The following STRBP variants were observed in gnomAD, a reference collection of about 807,000 sequenced individuals.
STRBP encodes the protein spermatid perinuclear RNA-binding protein.
Under a neutral mutation model 80.1 loss-of-function variants are expected in STRBP, and 13 were observed. The observed-to-expected ratio is 0.16, with a 90% CI of 0.11 to 0.26. STRBP has a LOEUF of 0.26. Among genes scored for constraint, STRBP ranks in the 10% least tolerant of loss-of-function variants. The probability of loss-of-function intolerance (pLI) is 1.00; values close to 1 mark genes in which losing one functional copy is unlikely to be tolerated. For missense variants in STRBP, 485 were observed against 815.2 expected (o/e 0.59, Z 4.93); for synonymous variants, 284 against 291.2 (o/e 0.98, Z 0.25).
At chr9:123,157,948 T>A in intron 11 of STRBP, 64 bp downstream of exon 11, 1 of 1,148,452 alleles carries the variant, frequency 8.7e-7, no homozygotes, top group Non-Finnish European at 1.3e-6. Flanking sequence ...TAATGAGAGA[T>A]GAATCCCATG....
At chr9:123,219,895 T>A (rs1196143893) in intron 2 of STRBP, among the ~76,000 whole-genome samples, 1 of 152,190 alleles carries the variant, frequency 6.6e-6, no homozygotes, top group Non-Finnish European at 1.5e-5. Flanking sequence ...GGATCCAGAA[T>A]GGGAGCTTCC....
At chr9:123,180,964 G>A in intron 3 of STRBP, 1 of 983,238 alleles carries the variant, frequency 1.0e-6, no homozygotes, top group Non-Finnish European at 1.2e-6. Context: ...TGCCTCTTTT[G>A]TTCTTGTTTA....
intron 2 of STRBP, among the ~76,000 whole-genome samples, chr9:123,192,363 T>C (rs1230048250): frequency 6.6e-6 from 1 of 152,080 alleles, no homozygotes; most frequent in Non-Finnish European, 1.5e-5. Flanking sequence ...AGGAATAACC[T>C]GAGAGATGGC....
chr9:123,185,426 G>A (rs905682323), intron 2 of STRBP, among the ~76,000 whole-genome samples: 1 of 152,054 alleles, frequency 6.6e-6, no homozygotes. Flanking sequence ...CTATTTAACA[G>A]AAGAGATTCT....
intron 1 of STRBP, among the ~76,000 whole-genome samples, chr9:123,267,378 C>T (rs960383429): frequency 2.0e-5 from 3 of 151,980 alleles, no homozygotes; most frequent in African/African-American, 7.3e-5. Flanking sequence ...CTCCTACTGT[C>T]CCCACCTCTC....
In STRBP at chr9:123,125,127, A is replaced by T. The variant is rs1168724451; in HGVS notation, c.*470T>A. On this transcript the variant is annotated 3_prime_UTR_variant, in exon 19 of 19. Transcript: ENST00000348403. ...AAAAGTCTCTATTGTATTAAAAAAAATAACTACAGCCCAAATTAAAGTGCC... is the reference window on the plus strand; with the variant it reads ...AAAAGTCTCTATTGTATTAAAAAAATTAACTACAGCCCAAATTAAAGTGCC... The T allele has an allele frequency of 2.0e-6, 2 of 986,072 alleles. No homozygotes were observed. Among genetic ancestry groups the T allele is most frequent in the African/African-American group, 3.5e-5 (2 of 57,266 alleles). The allele number at this position is 986,072 out of a possible 1,614,324, so 61.1% of individuals were successfully genotyped here. A position where few individuals can be genotyped will look rare whatever the true frequency, so the allele number is the denominator to read the frequency against.
chr9:123,214,544 C>A (rs1335190787), intron 2 of STRBP, among the ~76,000 whole-genome samples: 1 of 151,914 alleles, frequency 6.6e-6, no homozygotes, highest in Non-Finnish European at 1.5e-5. Flanking sequence ...AGAATCAGAC[C>A]ACCTGTCTAC....
At chr9:123,258,144 G>A (rs554957009) in intron 1 of STRBP, among the ~76,000 whole-genome samples, 1 of 152,032 alleles carries the variant, frequency 6.6e-6, no homozygotes, top group African/African-American at 2.4e-5. Context: ...TCAAATACTC[G>A]GGTTCCTACT....
intron 2 of STRBP, among the ~76,000 whole-genome samples, chr9:123,230,156 G>A (rs1317832264): frequency 6.6e-6 from 1 of 152,142 alleles, no homozygotes; most frequent in African/African-American, 2.4e-5. Context: ...AAAGCAGTAG[G>A]ATCAACAGAT....
chr9:123,146,993 A>G lies in STRBP; in HGVS notation c.1200T>C (p.Pro400=), dbSNP rs111534932. Reference sequence around the variant, plus strand: ...GAGATAGGAGCTTATACTGAAGCCCAGGCCTGATCTGATTTAGCCTCATTA... The same window carrying G: ...GAGATAGGAGCTTATACTGAAGCCCGGGCCTGATCTGATTTAGCCTCATTA... ...NALMRLNQIR[P]GLQYKLLSQS... The change falls in exon 13 of 19, where the codon CCT becomes CCC. Residue 400 remains proline, a synonymous_variant. Coordinates refer to ENST00000348403, the MANE Select transcript of STRBP (RefSeq NM_018387.5). 6 of 1,614,116 alleles carry G rather than the reference A, an allele frequency of 3.7e-6. No homozygotes were observed. The African/African-American group carries it at 6.7e-5, about 18-fold the overall frequency.
At chr9:123,215,791 A>C (rs1317640405) in intron 2 of STRBP, among the ~76,000 whole-genome samples, 1 of 152,236 alleles carries the variant, frequency 6.6e-6, no homozygotes, top group African/African-American at 2.4e-5. Flanking sequence ...TCTCAAAAAA[A>C]TAAAATAAAT....
At chr9:123,236,670 A>G (rs972818306) in intron 2 of STRBP, among the ~76,000 whole-genome samples, 160 bp downstream of exon 2, 6 of 152,178 alleles carry the variant, frequency 3.9e-5, no homozygotes, top group African/African-American at 1.4e-4. Context: ...AAAAAAAAAA[A>G]AAAGTGTGTC....
chr9:123,164,827 C>T (rs2037683532), intron 6 of STRBP, among the ~76,000 whole-genome samples: 1 of 152,160 alleles, frequency 6.6e-6, no homozygotes, highest in South Asian at 2.1e-4. Flanking sequence ...TGCCCCAAAC[C>T]ACTGTCCATG....
intron 11 of STRBP, among the ~76,000 whole-genome samples, chr9:123,149,591 C>G (rs1389898999): frequency 6.6e-6 from 1 of 152,150 alleles, no homozygotes; most frequent in Non-Finnish European, 1.5e-5. Context: ...ATCATAATAG[C>G]AACCTAAGGA....
chr9:123,170,287 T>C (rs1361462921), intron 5 of STRBP, among the ~76,000 whole-genome samples: 1 of 152,140 alleles, frequency 6.6e-6, no homozygotes, highest in Non-Finnish European at 1.5e-5. Context: ...ATCCATACAA[T>C]TATGAAACAA....
intron 1 of STRBP, among the ~76,000 whole-genome samples, chr9:123,262,947 ATTTAC>A (rs993510291): frequency 3.3e-5 from 5 of 152,194 alleles, no homozygotes; most frequent in East Asian, 1.9e-4. Context: ...ATCTGGCCTT[ATTTAC>A]TTTACTTCTA....
intron 2 of STRBP, among the ~76,000 whole-genome samples, chr9:123,228,166 G>A (rs967294212): frequency 2.0e-5 from 3 of 152,144 alleles, no homozygotes; most frequent in African/African-American, 7.2e-5. Context: ...CAGAGATGGG[G>A]AGACCTATGG....
intron 4 of STRBP, 24 bp downstream of exon 4, chr9:123,178,983 T>A: frequency 6.2e-7 from 1 of 1,609,530 alleles, no homozygotes; most frequent in South Asian, 1.1e-5. Flanking sequence ...TAGCACAGCG[T>A]CCCAGAGGTC....
chr9:123,159,242 C>T, intron 8 of STRBP, 35 bp from the exon 9 acceptor site: 2 of 1,452,442 alleles, frequency 1.4e-6, no homozygotes, highest in Non-Finnish European at 1.9e-6. Context: ...AGTACATGCA[C>T]CAAGTGTTAA....
Sources: gnomAD v4.1 joint callset for allele counts (sites outside exome capture counted in the v4.1 genomes callset) on GRCh38, gnomAD v4.1.1 for gene constraint, MANE v1.5 for transcripts, NCBI Gene and HGNC (gene_info 2026-07-23, HGNC 2026-07-21) for gene names.